VBP1: variants seen among roughly 807,000 people sequenced by gnomAD.
VBP1 encodes the protein prefoldin subunit 3.
VBP1 carries 4 observed loss-of-function variants against 15.5 expected under a neutral mutation model. That is an observed-to-expected ratio of 0.26 (90% confidence interval 0.13 to 0.59). The LOEUF is 0.59. Among genes scored for constraint, VBP1 ranks in the 20% least tolerant of loss-of-function variants. The pLI is 0.90. For synonymous variants in VBP1, 61 were observed against 52.1 expected, an observed-to-expected ratio of 1.17 and a Z score of -0.74; for missense variants, 108 against 139.6, an observed-to-expected ratio of 0.77 and a Z score of 1.14.
At chrX:155,206,745 T>G (rs141248325) in intron 1 of VBP1, among the ~76,000 whole-genome samples, 1 of 109,768 alleles carries the variant, frequency 9.1e-6, no homozygotes, top group African/African-American at 3.3e-5. Context: ...GGAAAAGGAG[T>G]GGCCAGTGAG....
intron 2 of VBP1, among the ~76,000 whole-genome samples, chrX:155,226,965 T>A (rs2124085074): frequency 9.0e-6 from 1 of 110,969 alleles, no homozygotes; most frequent in South Asian, 3.7e-4. Context: ...CACTAGTATA[T>A]CTTAAATATT....
chrX:155,197,117 T>C (rs2074581361), exon 1 of VBP1: 1 of 112,040 alleles, frequency 8.9e-6, no homozygotes, highest in African/African-American at 3.2e-5. Context: ...ACTGAAAAAC[T>C]GAGAAAGTTT....
chrX:155,219,209 A>G (rs2074678125), intron 1 of VBP1, among the ~76,000 whole-genome samples: 1 of 112,326 alleles, frequency 8.9e-6, no homozygotes, highest in Admixed American at 9.4e-5. Flanking sequence ...CTTAGAAGCT[A>G]TAAGATAATT....
chrX:155,206,245 T>G (rs978839621), intron 1 of VBP1, among the ~76,000 whole-genome samples: 3 of 109,196 alleles, frequency 2.7e-5, no homozygotes, highest in African/African-American at 1.0e-4. Flanking sequence ...AGAATTTTTT[T>G]TTTTTTGAGA....
At chrX:155,231,595 A>G (rs1328018613) in intron 4 of VBP1, among the ~76,000 whole-genome samples, 1 of 112,569 alleles carries the variant, frequency 8.9e-6, no homozygotes, top group Non-Finnish European at 1.9e-5. Flanking sequence ...TAATGGTTCA[A>G]AGAGCAAATA....
At chrX:155,214,527 TTC>T (rs1342800941), upstream of VBP1, among the ~76,000 whole-genome samples, 2 of 112,380 alleles carry the variant, frequency 1.8e-5, no homozygotes, top group East Asian at 5.5e-4. Flanking sequence ...GTTTAAGTTG[TTC>T]TGTTTCCTGT....
rs1181483449 is a variant in VBP1, at chrX:155,239,105, C to T, written c.*263C>T. On this transcript the variant is annotated 3_prime_UTR_variant, in exon 6 of 6. Transcript: ENST00000286428. ...TAAGAAAACTCTTAGCTGAAATGGC[C>T]GAAAACTGTGAGACATGCTATGGAA... is the stretch of plus-strand genomic sequence containing the variant. 8.5e-6 allele frequency: 2 copies of T among 234,107 alleles called. No individual in the cohort carries two copies. Among genetic ancestry groups the T allele is most frequent in the Non-Finnish European group, 1.5e-5 (2 of 133,619 alleles). The allele number at this position is 234,107 out of a possible 1,213,427, so 19.3% of individuals were successfully genotyped here. A position where few individuals can be genotyped will look rare whatever the true frequency, so the allele number is the denominator to read the frequency against.
intron 1 of VBP1, among the ~76,000 whole-genome samples, chrX:155,200,191 G>A (rs1336899971): frequency 7.5e-5 from 8 of 106,116 alleles, no homozygotes; most frequent in African/African-American, 1.0e-4. Context: ...TCAACATTAG[G>A]CAGATCAACG....
At chrX:155,220,407 T>C (rs2074683668) in intron 2 of VBP1, 100 bp downstream of exon 2, 13 of 746,615 alleles carry the variant, frequency 1.7e-5, no homozygotes, top group South Asian at 4.2e-5. Flanking sequence ...AGATGTCAAG[T>C]GTTCAGTCCT....
chrX:155,228,196 G>A (rs181097211), intron 3 of VBP1, among the ~76,000 whole-genome samples, 188 bp from the exon 4 acceptor site: 226 of 111,605 alleles, frequency 2.0e-3, no homozygotes, highest in Middle Eastern at 9.2e-3. Flanking sequence ...TGTACAGCTA[G>A]TGAGTAGCTG....
chrX:155,230,705 A>G (rs1445513684), intron 4 of VBP1, among the ~76,000 whole-genome samples: 1 of 106,713 alleles, frequency 9.4e-6, no homozygotes. Context: ...TTTTTCTGAG[A>G]CAGAGTCTCA....
At chrX:155,219,898 A>G (rs1400297575) in intron 1 of VBP1, among the ~76,000 whole-genome samples, 3 of 110,442 alleles carry the variant, frequency 2.7e-5, no homozygotes, top group Non-Finnish European at 5.7e-5. Context: ...GCTCAAAGGA[A>G]ATGCTCATTG....
chrX:155,199,412 G>A (rs1347422630), intron 1 of VBP1, among the ~76,000 whole-genome samples: 5 of 110,309 alleles, frequency 4.5e-5, no homozygotes, highest in South Asian at 3.9e-4. Flanking sequence ...CGGATCTCTC[G>A]GCAGAAACTC....
At chrX:155,203,087 G>A (rs1370691806) in intron 1 of VBP1, among the ~76,000 whole-genome samples, 31 of 111,757 alleles carry the variant, frequency 2.8e-4, no homozygotes, top group African/African-American at 8.8e-4. Flanking sequence ...TTAGAATGGC[G>A]ATCATTAAAA....
rs1557311552 is a variant in VBP1, at chrX:155,236,236, T to C, written c.392T>C (p.Val131Ala). Reference protein sequence around the residue: ...DKVCLWLGANVMLEYDIDEAQ... With the variant: ...DKVCLWLGANAMLEYDIDEAQ... Reference sequence around the variant, plus strand: ...ATGACTTTCTCTCTTCAGGCTAATGTAATGCTTGAATATGATATTGATGAA... The same window carrying C: ...ATGACTTTCTCTCTTCAGGCTAATGCAATGCTTGAATATGATATTGATGAA... Residue 131 changes from valine (V) to alanine (A), a missense_variant, in exon 5 of 6, where the codon GTA (valine) becomes GCA (alanine). Val to Ala is a moderately conservative substitution (Grantham distance 64, BLOSUM62 0). Transcript: ENST00000286428. 8.3e-7 allele frequency: 1 copy of C among 1,209,301 alleles called. No individual in the cohort carries two copies. The highest frequency in any genetic ancestry group is 3.0e-5 in the East Asian group (1 of 33,784).
chrX:155,202,796 G>T (rs2074610445), intron 1 of VBP1, among the ~76,000 whole-genome samples: 1 of 109,053 alleles, frequency 9.2e-6, no homozygotes, highest in East Asian at 2.9e-4. Context: ...CACAGCAAAA[G>T]AAACTACCAT....
intron 2 of VBP1, among the ~76,000 whole-genome samples, chrX:155,223,373 A>G (rs959680635): frequency 9.3e-6 from 1 of 108,016 alleles, no homozygotes; most frequent in Non-Finnish European, 1.9e-5. Flanking sequence ...GTCCCTGGGT[A>G]CTTGAGATTA....
exon 1 of VBP1, chrX:155,197,079 ACAT>A (rs1271497806): frequency 8.9e-6 from 1 of 112,285 alleles, no homozygotes; most frequent in Admixed American, 9.4e-5. Context: ...CATCTAAAAG[ACAT>A]CATAAACGAA....
At chrX:155,206,646 G>A (rs1557308074) in intron 1 of VBP1, among the ~76,000 whole-genome samples, 1 of 110,683 alleles carries the variant, frequency 9.0e-6, no homozygotes, top group Non-Finnish European at 1.9e-5. Flanking sequence ...AGAAAGAATG[G>A]ATGAAATCAA....
Sources: allele counts gnomAD v4.1 joint callset (sites outside exome capture counted in the v4.1 genomes callset), GRCh38; gene constraint gnomAD v4.1.1; transcripts MANE v1.5; gene names NCBI Gene and HGNC (gene_info 2026-07-23, HGNC 2026-07-21).